NFASC: variants seen among roughly 807,000 people sequenced by gnomAD.
NFASC encodes the protein neurofascin homolog.
In NFASC, 43 loss-of-function variants were observed where a neutral mutation model predicts 147.5. The ratio of observed to expected loss-of-function variants is 0.29; its 90% confidence interval spans 0.23 to 0.38. The LOEUF (loss-of-function observed/expected upper bound fraction) is 0.38, where lower values mean the gene tolerates loss of function less well. Ranked by LOEUF, NFASC falls within the 10% of genes least tolerant of loss-of-function variation. The pLI is 1.00. For synonymous variants in NFASC, 622 were observed against 665.5 expected, an observed-to-expected ratio of 0.93 and a Z score of 1.01; for missense variants, 1,320 against 1,689.0, an observed-to-expected ratio of 0.78 and a Z score of 3.83.
At position 205,016,564 on chromosome 1, in the gene NFASC, C is replaced by A. The variant is rs753421996; in HGVS notation, c.*25C>A. The A allele has an allele frequency of 6.4e-7, 1 of 1,568,656 alleles. No homozygotes were observed. The highest frequency in any genetic ancestry group is 8.8e-7 in the Non-Finnish European group (1 of 1,138,920). On this transcript the variant is annotated 3_prime_UTR_variant, in exon 30 of 30. Coordinates refer to ENST00000339876, the MANE Select transcript of NFASC (RefSeq NM_001005388.3). The surrounding 1 kb of genome is among the most constrained non-coding windows in gnomAD (Gnocchi z 5.1). ...ACGGAGCCCACCCAGGCACAGCCAC[C>A]ACTTTGCAAGTGGGAGGAGGGGAGA...
At position 204,968,602 on chromosome 1, in the gene NFASC, C is replaced by T; in HGVS notation, c.819-196C>T. ...GCATCCCGTAGATGCGTTAGAATCT[C>T]GTGGGACCTTAGCTAAGCCTTCAGG... On this transcript the variant is annotated intron_variant, in intron 9 of 29. Coordinates refer to ENST00000339876, the MANE Select transcript of NFASC (RefSeq NM_001005388.3). The surrounding 1 kb of genome is among the most constrained non-coding windows in gnomAD (Gnocchi z 5.4). 3.2e-6 allele frequency: 2 copies of T among 620,882 alleles called. No individual in the cohort carries two copies. Among genetic ancestry groups the T allele is most frequent in the Non-Finnish European group, 5.6e-6 (2 of 355,790 alleles). 38.5% of individuals were successfully genotyped at this position (620,882 alleles called of 1,614,324 possible). A position where few individuals can be genotyped will look rare whatever the true frequency, so the allele number is the denominator to read the frequency against.
intron 2 of NFASC, among the ~76,000 whole-genome samples, chr1:204,922,030 G>T (rs373116642): frequency 6.6e-6 from 1 of 152,086 alleles, no homozygotes; most frequent in Admixed American, 6.5e-5. Context: ...GGGGTGGCGC[G>T]GGCAGGGGGT....
intron 1 of NFASC, among the ~76,000 whole-genome samples, chr1:204,847,139 G>C (rs949595199): frequency 1.3e-5 from 2 of 152,106 alleles, no homozygotes; most frequent in African/African-American, 4.8e-5. Context: ...ACACATGGGT[G>C]GTCATGGGGT....
intron 1 of NFASC, among the ~76,000 whole-genome samples, chr1:204,842,056 G>A (rs556085900): frequency 6.6e-6 from 1 of 152,130 alleles, no homozygotes; most frequent in African/African-American, 2.4e-5. Flanking sequence ...TTTATCTCAA[G>A]ACCTTATTAG....
chr1:204,907,849 C>A (rs2086337364), intron 1 of NFASC, among the ~76,000 whole-genome samples: 2 of 152,170 alleles, frequency 1.3e-5, no homozygotes, highest in Admixed American at 6.5e-5. Flanking sequence ...GATGCCTTGG[C>A]ATTTTATTCT....
At chr1:204,976,913 C>T (rs1192476658) in intron 16 of NFASC, 118 bp downstream of exon 16, 38 of 1,485,854 alleles carry the variant, frequency 2.6e-5, no homozygotes, top group African/African-American at 4.2e-5. Flanking sequence ...CCGGGTCAGG[C>T]GTGGTGATCT....
At position 204,843,632 on chromosome 1, in the gene NFASC, C is replaced by T. The variant is rs1334155608; in HGVS notation, c.-200+14850C>T. On this transcript the variant is annotated intron_variant, in intron 1 of 29. Coordinates refer to ENST00000339876, the MANE Select transcript of NFASC (RefSeq NM_001005388.3). ...CCTTCCTTCCTTCCTTCCTTCCTCC[C>T]TCCCTCCCTCCCTCCCTCCCTCCCT... Among the ~76,000 whole-genome samples the T allele has an allele frequency of 4.8e-4, 55 of 115,278 alleles. 1 individual carries two copies. Among genetic ancestry groups the T allele is most frequent in the African/African-American group, 2.0e-3 (53 of 26,952 alleles). 75.6% of individuals were successfully genotyped at this position (115,278 alleles called of 152,430 possible).
At chr1:204,918,214 C>T (rs1262532639) in intron 1 of NFASC, among the ~76,000 whole-genome samples, 5 of 152,174 alleles carry the variant, frequency 3.3e-5, no homozygotes, top group Non-Finnish European at 5.9e-5. Context: ...TTTAGGATTT[C>T]TTGTGGGGCA....
At position 204,980,431 on chromosome 1, in the gene NFASC, C is replaced by G; in HGVS notation, c.2238C>G (p.Ile746Met). The G allele has an allele frequency of 6.2e-7, 1 of 1,612,752 alleles. No homozygotes were observed. The highest frequency in any genetic ancestry group is 8.5e-7 in the Non-Finnish European group (1 of 1,179,148). The change falls in exon 20 of 30, where the codon ATC (isoleucine) becomes ATG (methionine). Residue 746 changes from isoleucine (I) to methionine (M), a missense_variant. By Grantham distance (10) the Ile-to-Met change is conservative. This residue lies in a region of NFASC where 981 missense variants were observed against 1,289.5 expected (regional missense o/e 0.76). Coordinates refer to ENST00000339876, the MANE Select transcript of NFASC (RefSeq NM_001005388.3). ...GGACCAGAAAGAACAACATGGAGAT[C>G]ACGTGGACGGTAAGAGGCCCTCCCA... ...GEGTRKNNMEITWTPMNATSA... is the reference protein window; with the variant it reads ...GEGTRKNNMEMTWTPMNATSA...
In NFASC at chr1:204,981,547, C is replaced by G. The variant is rs189738593; in HGVS notation, c.2248-251C>G. ...TGCACCTACAAATGCGGGTGGCTCT[C>G]AGAGTCAGAGTAACTGGGTCTCAGG... On this transcript the variant is annotated intron_variant, in intron 20 of 29. Transcript: ENST00000339876. Among the ~76,000 whole-genome samples the G allele has an allele frequency of 1.6e-4, 24 of 152,384 alleles. No individual in the cohort carries two copies. In the East Asian group the frequency reaches 4.2e-3, roughly 27 times the overall value.
chr1:204,896,329 C>T (rs1214347471), intron 1 of NFASC, among the ~76,000 whole-genome samples: 4 of 152,196 alleles, frequency 2.6e-5, no homozygotes, highest in Non-Finnish European at 4.4e-5. Flanking sequence ...GCAGCCAGCA[C>T]AATCCTGCTT....
At chr1:204,836,158 C>A (rs754961233) in intron 1 of NFASC, among the ~76,000 whole-genome samples, 2 of 151,850 alleles carry the variant, frequency 1.3e-5, no homozygotes, top group Non-Finnish European at 2.9e-5. Flanking sequence ...GCATGTATGT[C>A]TGTGTGTGCG....
chr1:204,838,314 C>A (rs1674351922), intron 1 of NFASC, among the ~76,000 whole-genome samples: 1 of 152,176 alleles, frequency 6.6e-6, no homozygotes, highest in African/African-American at 2.4e-5. Flanking sequence ...TTGACCTTTG[C>A]CACTTACCTC....
At chr1:204,829,464 C>T (rs1351465460) in intron 1 of NFASC, among the ~76,000 whole-genome samples, 1 of 152,090 alleles carries the variant, frequency 6.6e-6, no homozygotes, top group Non-Finnish European at 1.5e-5. Flanking sequence ...AGCCTGTACC[C>T]AGCCCTCCCT....
At chr1:204,836,587 G>A (rs1344453416) in intron 1 of NFASC, among the ~76,000 whole-genome samples, 1 of 152,190 alleles carries the variant, frequency 6.6e-6, no homozygotes, top group African/African-American at 2.4e-5. Flanking sequence ...TTGCTGTCAG[G>A]TGTTGGCTGA....
At chr1:204,843,927 G>A (rs1571950278) in intron 1 of NFASC, among the ~76,000 whole-genome samples, 2 of 152,026 alleles carry the variant, frequency 1.3e-5, no homozygotes, top group South Asian at 4.2e-4. Flanking sequence ...TAGTACAGAC[G>A]GGGTTTCTCC....
At chr1:204,830,843 T>A (rs1672023811) in intron 1 of NFASC, among the ~76,000 whole-genome samples, 1 of 152,202 alleles carries the variant, frequency 6.6e-6, no homozygotes, top group Admixed American at 6.5e-5. Context: ...CTCTGTCCCT[T>A]CTCTGCAAGG....
intron 8 of NFASC, among the ~76,000 whole-genome samples, chr1:204,962,381 A>C (rs1274777539): frequency 2.6e-5 from 4 of 152,228 alleles, no homozygotes; most frequent in Admixed American, 6.5e-5. Context: ...CAAGTTGCTG[A>C]ATTCTCAACA....
chr1:204,974,477 G>A, intron 13 of NFASC, 180 bp from the exon 14 acceptor site: 1 of 851,552 alleles, frequency 1.2e-6, no homozygotes. Flanking sequence ...ACCTTGAGAG[G>A]GATGGAGGCT....
Sources: gnomAD v4.1 joint callset for allele counts (sites outside exome capture counted in the v4.1 genomes callset) on GRCh38, gnomAD v4.1.1 for gene constraint, gnomAD v4.1.1 regional missense constraint, Gnocchi (gnomAD v3.1) non-coding constraint, MANE v1.5 for transcripts, NCBI Gene and HGNC (gene_info 2026-07-23, HGNC 2026-07-21) for gene names.